GPAM: variants seen among roughly 807,000 people sequenced by gnomAD.
GPAM encodes the protein glycerol-3-phosphate acyltransferase 1, mitochondrial.
A neutral mutation model predicts 105.0 loss-of-function variants in GPAM; 56 were observed. The observed-to-expected ratio is 0.53, with a 90% CI of 0.43 to 0.67. The LOEUF is 0.67. Ranked by LOEUF, GPAM falls within the 30% of genes least tolerant of loss-of-function variation. The probability of loss-of-function intolerance (pLI) is 0.00; values close to 1 mark genes in which losing one functional copy is unlikely to be tolerated. For missense variants in GPAM, 855 were observed against 989.8 expected (o/e 0.86, Z 1.83); for synonymous variants, 368 against 354.4 (o/e 1.04, Z -0.43).
upstream of GPAM, among the ~76,000 whole-genome samples, chr10:112,185,472 G>A (rs1847581176): frequency 7.8e-6 from 1 of 128,132 alleles, no homozygotes; most frequent in Non-Finnish European, 1.6e-5. Flanking sequence ...GGGAAGTAGA[G>A]ATGTGAAAAA....
rs550765765 is a variant in GPAM, at chr10:112,178,131, T to A, written c.226-74A>T. The stretch of plus-strand genomic sequence containing the variant: ...GGTGAAGAGCTCTCATTATGAGTTC[T>A]TGATAACTTTAATATCAAGCATAAA... On this transcript the variant is annotated intron_variant, in intron 4 of 21. Transcript: ENST00000348367. 3.8e-6 allele frequency: 3 copies of A among 790,036 alleles called. No individual in the cohort carries two copies. In the East Asian group the frequency reaches 7.3e-5, roughly 19 times the overall value. The allele number at this position is 790,036 out of a possible 1,614,324, so 48.9% of individuals were successfully genotyped here.
At position 112,152,648 on chromosome 10, in the gene GPAM, T is replaced by C; in HGVS notation, c.*902A>G. 1.0e-6 allele frequency: 1 copy of C among 985,330 alleles called. No homozygotes were observed. The highest frequency in any genetic ancestry group is 1.7e-5 in the African/African-American group (1 of 57,384). The allele number at this position is 985,330 out of a possible 1,614,324, so 61.0% of individuals were successfully genotyped here. On this transcript the variant is annotated 3_prime_UTR_variant, in exon 22 of 22. Transcript: ENST00000348367. Reference sequence around the variant, plus strand: ...CTCAAGCTAATCAAGTTAGGAAAACTGCTATTTGGTTGGAGGATTTCCAAG... The same window carrying C: ...CTCAAGCTAATCAAGTTAGGAAAACCGCTATTTGGTTGGAGGATTTCCAAG...
At chr10:112,207,667 G>T (rs545619127) in intron 1 of GPAM, among the ~76,000 whole-genome samples, 1 of 152,146 alleles carries the variant, frequency 6.6e-6, no homozygotes, top group African/African-American at 2.4e-5. Flanking sequence ...TATATTGTTC[G>T]CATTATCATT....
At chr10:112,184,870 T>G (rs1847573334), upstream of GPAM, among the ~76,000 whole-genome samples, 1 of 151,900 alleles carries the variant, frequency 6.6e-6, no homozygotes, top group South Asian at 2.1e-4. Flanking sequence ...CTCACTCCAG[T>G]CTTCCGCTGA....
At chr10:112,176,965 G>A (rs1847417606) in intron 5 of GPAM, among the ~76,000 whole-genome samples, 1 of 152,022 alleles carries the variant, frequency 6.6e-6, no homozygotes, top group Non-Finnish European at 1.5e-5. Context: ...CAAACCTCTT[G>A]GCTTTATATA....
upstream of GPAM, among the ~76,000 whole-genome samples, chr10:112,217,515 C>T (rs975741128): frequency 3.3e-5 from 5 of 151,664 alleles, no homozygotes; most frequent in Admixed American, 6.6e-5. Flanking sequence ...CTTATAGCCA[C>T]GAATTCACAA....
intron 14 of GPAM, 114 bp downstream of exon 14, chr10:112,163,587 C>A (rs977286538): frequency 5.7e-6 from 4 of 700,048 alleles, no homozygotes; most frequent in African/African-American, 5.3e-5. Context: ...CTATCACCAC[C>A]TGTGAATTAA....
chr10:112,191,960 C>T (rs74156596), intron 1 of GPAM, among the ~76,000 whole-genome samples: 9,801 of 152,088 alleles, frequency 0.064, 869 homozygotes, highest in African/African-American at 0.2. Flanking sequence ...AGCGAAGGTC[C>T]CAGTGGTGGA....
chr10:112,214,824 C>T (rs937383648), intron 1 of GPAM, among the ~76,000 whole-genome samples: 1 of 152,194 alleles, frequency 6.6e-6, no homozygotes, highest in Admixed American at 6.5e-5. Context: ...AAAACCTTCT[C>T]AGGATTTGGG....
At position 112,173,720 on chromosome 10, in the gene GPAM, G is replaced by A. The variant is rs1847353591; in HGVS notation, c.539C>T (p.Thr180Ile). 3 of 1,613,796 alleles carry A rather than the reference G, an allele frequency of 1.9e-6. No homozygotes were observed. Among genetic ancestry groups the A allele is most frequent in the Non-Finnish European group, 2.5e-6 (3 of 1,179,702 alleles). Reference protein sequence around the residue: ...AKRILQEMVATVSPAMIRLTG... With the variant: ...AKRILQEMVAIVSPAMIRLTG... ...ATACCTGATCATTGCCGGTGAGACA[G>A]TGGCAACCATTTCTTGAAGAATCCT... The change falls in exon 7 of 22, where the codon ACT becomes ATT. Residue 180 changes from threonine to isoleucine, a missense_variant. Physicochemically the swap from Thr to Ile is moderately conservative, Grantham distance 89 (BLOSUM62 -1). Transcript: ENST00000348367.
At chr10:112,175,491 T>C in intron 6 of GPAM, 109 bp downstream of exon 6, 3 of 755,378 alleles carry the variant, frequency 4.0e-6, no homozygotes, top group Non-Finnish European at 7.3e-6. Flanking sequence ...TGAACACTTC[T>C]TGAGACACAG....
intron 12 of GPAM, 82 bp downstream of exon 12, chr10:112,166,320 G>C (rs553457383): frequency 2.4e-5 from 19 of 794,270 alleles, no homozygotes; most frequent in South Asian, 2.3e-4. Flanking sequence ...GTCACACAGA[G>C]AGGTGCTGTT....
chr10:112,226,969 G>A, the GPAM span, among the ~76,000 whole-genome samples: 1 of 152,112 alleles, frequency 6.6e-6, no homozygotes, highest in Admixed American at 6.5e-5. Context: ...AGGGGTTTTA[G>A]ACCCTGGACC....
At position 112,152,796 on chromosome 10, in the gene GPAM, A is replaced by G. The variant is rs1275680314; in HGVS notation, c.*754T>C. ...AAACTCAATGGCACTTGTTTATATG[A>G]GCAAAAGCCTTCAACACCAGTTTTC... On this transcript the variant is annotated 3_prime_UTR_variant, in exon 22 of 22. Coordinates refer to ENST00000348367, the MANE Select transcript of GPAM (RefSeq NM_001244949.2). 1 of 634,420 alleles carries G rather than the reference A, an allele frequency of 1.6e-6. No homozygotes were observed. Among genetic ancestry groups the G allele is most frequent in the Non-Finnish European group, 2.0e-6 (1 of 509,622 alleles). 39.3% of individuals were successfully genotyped at this position (634,420 alleles called of 1,614,324 possible). A position where few individuals can be genotyped will look rare whatever the true frequency, so the allele number is the denominator to read the frequency against.
Position 112,158,351 on chromosome 10 carries a change from T to C in GPAM, c.1945A>G (p.Lys649Glu). The C allele has an allele frequency of 6.2e-7, 1 of 1,606,612 alleles. No individual in the cohort carries two copies. The highest frequency in any genetic ancestry group is 1.7e-4 in the Middle Eastern group (1 of 6,046). The change falls in exon 18 of 22, where the codon AAG becomes GAG. Residue 649 changes from lysine to glutamate, a missense_variant. Coordinates refer to ENST00000348367, the MANE Select transcript of GPAM (RefSeq NM_001244949.2). ...GTAAGAATGCCATACTGGATAAACTTTCCTACTGTTTCATGGCAGACTTGG... is the reference window on the plus strand; with the variant it reads ...GTAAGAATGCCATACTGGATAAACTCTCCTACTGTTTCATGGCAGACTTGG... ...FYQVCHETVG[K>E]FIQYGILTVA...
chr10:112,181,685 A>G lies in GPAM; in HGVS notation c.100T>C (p.Trp34Arg). ...VGRCKHTSEE[W>R]GECGFRPTIF... ...TTTAACTCTTATCCTAAACTTACCCATTCCTCACTTGTGTGCTTACATCGA... is the reference window on the plus strand; with the variant it reads ...TTTAACTCTTATCCTAAACTTACCCGTTCCTCACTTGTGTGCTTACATCGA... The change falls in exon 3 of 22, where the codon TGG becomes CGG. Residue 34 changes from tryptophan (W) to arginine (R), a missense_variant and splice_region_variant. Physicochemically the swap from Trp to Arg is moderately radical, Grantham distance 101. Transcript: ENST00000348367. 2 of 1,554,718 alleles carry G rather than the reference A, an allele frequency of 1.3e-6. No homozygotes were observed. Among genetic ancestry groups the G allele is most frequent in the Non-Finnish European group, 1.8e-6 (2 of 1,125,836 alleles).
intron 3 of GPAM, 26 bp downstream of exon 3, chr10:112,181,657 G>A (rs1847509812): frequency 8.0e-7 from 1 of 1,246,364 alleles, no homozygotes; most frequent in African/African-American, 1.5e-5. Context: ...TAGGCTGAGT[G>A]CTTTTAACTC....
chr10:112,160,669 G>A lies in GPAM; in HGVS notation c.1694C>T (p.Ser565Leu), dbSNP rs1367507426. The change falls in exon 16 of 22, where the codon TCA becomes TTA. Residue 565 changes from serine (S) to leucine (L), a missense_variant. Transcript: ENST00000348367. Reference protein sequence around the residue: ...FFITPSTTVPSVFELNFYSNG... With the variant: ...FFITPSTTVPLVFELNFYSNG... ...GCTGTAGAAGTTGAGTTCGAAGACT[G>A]ATGGGACAGTTGTGCTGGGGGTGAT... is the stretch of plus-strand genomic sequence containing the variant. The A allele has an allele frequency of 6.2e-7, 1 of 1,613,326 alleles. No individual in the cohort carries two copies. The highest frequency in any genetic ancestry group is 8.5e-7 in the Non-Finnish European group (1 of 1,179,254).
chr10:112,220,757 T>C, the GPAM span, among the ~76,000 whole-genome samples: 2 of 152,064 alleles, frequency 1.3e-5, no homozygotes, highest in Non-Finnish European at 2.9e-5. Flanking sequence ...TTAATGGTGT[T>C]ACCCAATGAT....
Sources: gnomAD v4.1 joint callset for allele counts (sites outside exome capture counted in the v4.1 genomes callset) on GRCh38, gnomAD v4.1.1 for gene constraint, MANE v1.5 for transcripts, NCBI Gene and HGNC (gene_info 2026-07-23, HGNC 2026-07-21) for gene names.